TLL1: variants seen among roughly 807,000 people sequenced by gnomAD.
TLL1 encodes tolloid-like protein 1.
In TLL1, 49 loss-of-function variants were observed where a neutral mutation model predicts 128.2. The observed-to-expected ratio is 0.38, with a 90% confidence interval of 0.30 to 0.48. The LOEUF (loss-of-function observed/expected upper bound fraction) is 0.48, where lower values mean the gene tolerates loss of function less well. Among genes scored for constraint, TLL1 ranks in the 20% least tolerant of loss-of-function variants. TLL1 has a pLI of 0.96. For missense variants in TLL1, 1,123 were observed against 1,242.0 expected (o/e 0.90, Z 1.44); for synonymous variants, 454 against 418.8 (o/e 1.08, Z -1.03).
At position 166,077,955 on chromosome 4, in the gene TLL1, C is replaced by A; in HGVS notation, c.2367C>A (p.Asn789Lys). The change falls in exon 18 of 21, where the codon AAC (asparagine) becomes AAA (lysine). Residue 789 changes from asparagine to lysine, a missense_variant. By Grantham distance (94) the Asn-to-Lys change is moderately conservative. Coordinates refer to ENST00000061240, the MANE Select transcript of TLL1 (RefSeq NM_012464.5). ...HSPSGLITSP[N>K]WPDKYPSRKE... ...CAAGTGGCCTCATCACCAGTCCCAA[C>A]TGGCCAGACAAGTACCCAAGCAGGA... 6.2e-7 allele frequency: 1 copy of A among 1,613,686 alleles called. No individual in the cohort carries two copies. The highest frequency in any genetic ancestry group is 8.5e-7 in the Non-Finnish European group (1 of 1,179,750).
At chr4:165,898,636 A>G (rs1001269480) in intron 1 of TLL1, among the ~76,000 whole-genome samples, 2 of 152,176 alleles carry the variant, frequency 1.3e-5, no homozygotes, top group African/African-American at 4.8e-5. Flanking sequence ...GTTTGCCAGT[A>G]TTTTATTAAG....
intron 7 of TLL1, among the ~76,000 whole-genome samples, chr4:166,013,798 A>C (rs895058892): frequency 6.6e-6 from 1 of 152,016 alleles, no homozygotes; most frequent in Middle Eastern, 3.4e-3. Context: ...CTGTAGTTTA[A>C]CATTATTATG....
At chr4:165,973,536 GATTTAACCCTTTT>G (rs996781370) in intron 1 of TLL1, among the ~76,000 whole-genome samples, 8 of 151,844 alleles carry the variant, frequency 5.3e-5, no homozygotes, top group African/African-American at 1.7e-4. Flanking sequence ...GTTATGTTGT[GATTTAACCCTTTT>G]ATTGGTTTAG....
At chr4:166,091,408 G>A (rs550016437) in intron 19 of TLL1, 67 bp downstream of exon 19, 441 of 1,393,216 alleles carry the variant, frequency 3.2e-4, no homozygotes, top group Non-Finnish European at 4.4e-4. Context: ...GGTGAATTTG[G>A]TTCAATAATA....
chr4:165,897,647 A>T (rs1731742882), intron 1 of TLL1, among the ~76,000 whole-genome samples: 1 of 136,314 alleles, frequency 7.3e-6, no homozygotes, highest in Non-Finnish European at 1.5e-5. Context: ...TATAGTTTGA[A>T]GTCAGGTAGT....
At position 166,040,688 on chromosome 4, in the gene TLL1, C is replaced by A. The variant is rs1350034185; in HGVS notation, c.1261+1247C>A. Among the ~76,000 whole-genome samples, 3 of 152,206 alleles carry A rather than the reference C, an allele frequency of 2.0e-5. No homozygotes were observed. In the East Asian group the frequency reaches 5.8e-4, roughly 29 times the overall value. On this transcript the variant is annotated intron_variant, in intron 10 of 20. Transcript: ENST00000061240. ...AGAAACTTGGCTCTCACTCTATATC[C>A]TCTGAATTAGGGTTTGCATTTTAAT... is the stretch of plus-strand genomic sequence containing the variant.
intron 1 of TLL1, among the ~76,000 whole-genome samples, chr4:165,962,257 C>T (rs1455126035): frequency 6.6e-6 from 1 of 152,044 alleles, no homozygotes; most frequent in African/African-American, 2.4e-5. Context: ...AATATGTGGG[C>T]AAAGGACATT....
intron 10 of TLL1, among the ~76,000 whole-genome samples, chr4:166,041,566 T>C (rs1195660506): frequency 6.6e-6 from 1 of 152,120 alleles, no homozygotes; most frequent in African/African-American, 2.4e-5. Flanking sequence ...CCCAAAGTCC[T>C]GGGATTACAG....
At chr4:165,878,222 C>G (rs1447908433) in intron 1 of TLL1, among the ~76,000 whole-genome samples, 1 of 152,110 alleles carries the variant, frequency 6.6e-6, no homozygotes, top group African/African-American at 2.4e-5. Context: ...TATCTTTATT[C>G]CATCATAATT....
chr4:165,931,636 G>T (rs1366242434), intron 1 of TLL1, among the ~76,000 whole-genome samples: 1 of 151,470 alleles, frequency 6.6e-6, no homozygotes, highest in Non-Finnish European at 1.5e-5. Flanking sequence ...GGAGAGTGGC[G>T]TGAACCAGGG....
chr4:165,899,297 C>G (rs1277883212), intron 1 of TLL1, among the ~76,000 whole-genome samples: 2 of 151,892 alleles, frequency 1.3e-5, no homozygotes, highest in African/African-American at 4.8e-5. Flanking sequence ...TTCTTTAGTT[C>G]TTTTAATTGT....
At chr4:166,001,685 G>A (rs907348033) in intron 5 of TLL1, among the ~76,000 whole-genome samples, 4 of 151,488 alleles carry the variant, frequency 2.6e-5, no homozygotes, top group African/African-American at 9.7e-5. Flanking sequence ...TGTAATCCCC[G>A]CTACTCTGGA....
chr4:165,931,268 G>A (rs1296823108), intron 1 of TLL1, among the ~76,000 whole-genome samples: 1 of 152,082 alleles, frequency 6.6e-6, no homozygotes, highest in African/African-American at 2.4e-5. Context: ...TAGCATAGGA[G>A]AGTTATCTTG....
chr4:165,931,722 AG>A (rs1172202799), intron 1 of TLL1, among the ~76,000 whole-genome samples: 6 of 148,860 alleles, frequency 4.0e-5, no homozygotes, highest in Admixed American at 2.0e-4. Flanking sequence ...CTGTCTCAAA[AG>A]AAAAAAAAAA....
intron 1 of TLL1, among the ~76,000 whole-genome samples, chr4:165,947,468 A>G (rs1049277105): frequency 1.1e-4 from 17 of 152,038 alleles, no homozygotes; most frequent in African/African-American, 4.1e-4. Context: ...AACTGAGGGG[A>G]AAAACTGTCA....
At chr4:165,965,454 A>G (rs1735321759) in intron 1 of TLL1, among the ~76,000 whole-genome samples, 2 of 152,158 alleles carry the variant, frequency 1.3e-5, no homozygotes, top group South Asian at 4.1e-4. Flanking sequence ...TGGGCACTTT[A>G]TTTCTTGGAT....
intron 18 of TLL1, among the ~76,000 whole-genome samples, chr4:166,085,680 T>C (rs917295133): frequency 3.3e-5 from 5 of 152,146 alleles, no homozygotes; most frequent in African/African-American, 9.6e-5. Flanking sequence ...TTCTGTTTGC[T>C]AGTATTTTGT....
chr4:165,955,777 T>C (rs570010710), intron 1 of TLL1, among the ~76,000 whole-genome samples: 2 of 152,190 alleles, frequency 1.3e-5, no homozygotes, highest in Admixed American at 6.6e-5. Context: ...TTACAAGAGG[T>C]CTTTAAAGGA....
At chr4:165,977,037 T>C (rs1735916524) in intron 1 of TLL1, among the ~76,000 whole-genome samples, 1 of 152,218 alleles carries the variant, frequency 6.6e-6, no homozygotes. Flanking sequence ...AATGAAGAGA[T>C]ATTTAATCTT....
Sources: allele counts gnomAD v4.1 joint callset (sites outside exome capture counted in the v4.1 genomes callset), GRCh38; gene constraint gnomAD v4.1.1; transcripts MANE v1.5; gene names NCBI Gene and HGNC (gene_info 2026-07-23, HGNC 2026-07-21).